ITIH5: variants seen among roughly 807,000 people sequenced by gnomAD.
The protein encoded by ITIH5 is inter-alpha-trypsin inhibitor heavy chain H5.
ITIH5 carries 65 observed loss-of-function variants against 77.5 expected under a neutral mutation model. The observed-to-expected ratio is 0.84, with a 90% CI of 0.69 to 1.03. The LOEUF (loss-of-function observed/expected upper bound fraction) is 1.03. Among genes scored for constraint, ITIH5 ranks in the 50% least tolerant of loss-of-function variants. The probability of loss-of-function intolerance (pLI) is 0.00; values close to 1 mark genes in which losing one functional copy is unlikely to be tolerated. For missense variants in ITIH5, 1,208 were observed against 1,213.1 expected (o/e 1.00, Z 0.06); for synonymous variants, 525 against 494.3 (o/e 1.06, Z -0.82).
chr10:7,564,197 AT>A (rs1341230324), intron 13 of ITIH5, among the ~76,000 whole-genome samples: 1 of 152,072 alleles, frequency 6.6e-6, no homozygotes, highest in Non-Finnish European at 1.5e-5. Flanking sequence ...TTCCTCATTC[AT>A]TTTTCCAGAA....
intron 2 of ITIH5, among the ~76,000 whole-genome samples, chr10:7,649,867 A>G (rs1297364757): frequency 1.3e-5 from 2 of 152,224 alleles, no homozygotes; most frequent in Admixed American, 1.3e-4. Context: ...CATGAAAGGA[A>G]GGATATAAAA....
At chr10:7,622,991 A>C (rs969147953) in intron 5 of ITIH5, among the ~76,000 whole-genome samples, 4 of 152,264 alleles carry the variant, frequency 2.6e-5, no homozygotes, top group African/African-American at 9.6e-5. Flanking sequence ...ATATGTCCTT[A>C]GTGATGTCCT....
At chr10:7,584,882 C>G (rs1282770798) in intron 8 of ITIH5, among the ~76,000 whole-genome samples, 2 of 152,138 alleles carry the variant, frequency 1.3e-5, no homozygotes, top group Non-Finnish European at 2.9e-5. Flanking sequence ...AACACCAAAA[C>G]AGTTCCTAGA....
At chr10:7,639,240 T>C (rs7905848) in intron 4 of ITIH5, among the ~76,000 whole-genome samples, 62,169 of 152,062 alleles carry the variant, frequency 0.41, 13,901 homozygotes, top group African/African-American at 0.58. Flanking sequence ...AGGGGAAGGA[T>C]GGAGTATAGG....
chr10:7,565,334 AC>A (rs202036978), intron 13 of ITIH5, among the ~76,000 whole-genome samples: 2 of 148,762 alleles, frequency 1.3e-5, no homozygotes, highest in African/African-American at 2.4e-5. Flanking sequence ...CATCACACAT[AC>A]AAAGATGGTA....
At chr10:7,619,654 C>A in intron 5 of ITIH5, 1 of 320,388 alleles carries the variant, frequency 3.1e-6, no homozygotes. Flanking sequence ...AACACGTCTA[C>A]AAGGCGGCAG....
At chr10:7,596,850 C>A (rs1159846510) in intron 7 of ITIH5, among the ~76,000 whole-genome samples, 2 of 151,788 alleles carry the variant, frequency 1.3e-5, no homozygotes, top group Non-Finnish European at 2.9e-5. Flanking sequence ...GAGTTTGAGA[C>A]CAGCCTGGCC....
chr10:7,603,039 A>C (rs1020196621), intron 7 of ITIH5, among the ~76,000 whole-genome samples: 1 of 152,116 alleles, frequency 6.6e-6, no homozygotes, highest in African/African-American at 2.4e-5. Flanking sequence ...GGCTCCTTCC[A>C]TCAGCCACTG....
chr10:7,569,712 T>C lies in ITIH5; in HGVS notation c.2105A>G (p.Gln702Arg), dbSNP rs1832259619. Reference sequence around the variant, plus strand: ...GACCAGCCTGAGGATGTCCCCGGGCTGCCCATCAATGTTGAAGCACACGGT... The same window carrying C: ...GACCAGCCTGAGGATGTCCCCGGGCCGCCCATCAATGTTGAAGCACACGGT... ...RLTVCFNIDG[Q>R]PGDILRLVSD... is the part of the protein sequence containing the mutation. The change falls in exon 12 of 14, where the codon CAG becomes CGG. Residue 702 changes from glutamine to arginine, a missense_variant. Coordinates refer to ENST00000397146, the MANE Select transcript of ITIH5 (RefSeq NM_030569.7). The C allele has an allele frequency of 1.9e-6, 3 of 1,613,098 alleles. No individual in the cohort carries two copies. Among genetic ancestry groups the C allele is most frequent in the Non-Finnish European group, 2.5e-6 (3 of 1,179,712 alleles).
intron 1 of ITIH5, among the ~76,000 whole-genome samples, chr10:7,663,352 T>C (rs4749106): frequency 0.99 from 151,185 of 152,374 alleles, 75,011 homozygotes; most frequent in Middle Eastern, 1. Context: ...GTTTACTATA[T>C]GCAAATGCTT....
intron 2 of ITIH5, among the ~76,000 whole-genome samples, chr10:7,654,232 T>G (rs1324670476): frequency 6.6e-6 from 1 of 152,250 alleles, no homozygotes; most frequent in Non-Finnish European, 1.5e-5. Context: ...TATGCAAATG[T>G]GCCTCGGGTT....
At position 7,637,321 on chromosome 10, in the gene ITIH5, C is replaced by G. The variant is rs1159248266; in HGVS notation, c.559G>C (p.Val187Leu). 6.2e-7 allele frequency: 1 copy of G among 1,614,016 alleles called. No homozygotes were observed. The highest frequency in any genetic ancestry group is 2.2e-5 in the East Asian group (1 of 44,868). Reference sequence around the variant, plus strand: ...GCGCTCTCCAGGATATTCACGTCCACGCTCAGCCTCCCGGACAGCTGCTGG... The same window carrying G: ...GCGCTCTCCAGGATATTCACGTCCAGGCTCAGCCTCCCGGACAGCTGCTGG... ...RPQQLSGRLS[V>L]DVNILESAGI... The change falls in exon 5 of 14, where the codon GTG (valine) becomes CTG (leucine). Residue 187 changes from valine to leucine, a missense_variant. Physicochemically the swap from Val to Leu is conservative, Grantham distance 32 (BLOSUM62 1). Transcript: ENST00000397146.
At chr10:7,593,423 G>T (rs1200151888) in intron 7 of ITIH5, among the ~76,000 whole-genome samples, 1 of 66,872 alleles carries the variant, frequency 1.5e-5, no homozygotes, top group Non-Finnish European at 3.2e-5. Flanking sequence ...CAGCCACCCA[G>T]CCCCACTCAC....
At chr10:7,602,557 C>T (rs1833036354) in intron 7 of ITIH5, among the ~76,000 whole-genome samples, 1 of 152,160 alleles carries the variant, frequency 6.6e-6, no homozygotes, top group Non-Finnish European at 1.5e-5. Context: ...TGTCCTGCTG[C>T]CCTGTGAAGA....
rs573803490 is a variant in ITIH5 at position 7,648,884 on chromosome 10, G to A, written c.135+6747C>T. ...TATTACATCAAGAATATGAAGCTTAGTTTATGGGCCCAAGAGACAGGCTGA... is the reference window on the plus strand; with the variant it reads ...TATTACATCAAGAATATGAAGCTTAATTTATGGGCCCAAGAGACAGGCTGA... On this transcript the variant is annotated intron_variant, in intron 2 of 13. Transcript: ENST00000397146. Among the ~76,000 whole-genome samples the A allele has an allele frequency of 6.6e-5, 10 of 152,214 alleles. No homozygotes were observed. The South Asian group carries it at 2.1e-3, about 32-fold the overall frequency.
chr10:7,572,126 T>C (rs1232058921), intron 11 of ITIH5: 2 of 1,083,766 alleles, frequency 1.8e-6, no homozygotes, highest in African/African-American at 1.7e-5. Context: ...TGTGTGTGTG[T>C]TGGAAGGAAT....
intron 5 of ITIH5, among the ~76,000 whole-genome samples, chr10:7,636,232 T>G (rs1833796503): frequency 6.6e-6 from 1 of 152,168 alleles, no homozygotes; most frequent in African/African-American, 2.4e-5. Context: ...GTTTTTCATT[T>G]CAATAAATGA....
intron 11 of ITIH5, 44 bp downstream of exon 11, chr10:7,573,098 A>T (rs372258566): frequency 1.4e-5 from 22 of 1,577,968 alleles, no homozygotes; most frequent in Admixed American, 3.3e-5. Flanking sequence ...CTTTTTAAAC[A>T]TCTCTTACTC....
chr10:7,665,942 C>T (rs2131124184), intron 1 of ITIH5, among the ~76,000 whole-genome samples: 1 of 152,310 alleles, frequency 6.6e-6, no homozygotes, highest in South Asian at 2.1e-4. Context: ...AGTTGGGCTT[C>T]AAAACTGCTC....
Sources: gnomAD v4.1 joint callset for allele counts (sites outside exome capture counted in the v4.1 genomes callset) on GRCh38, gnomAD v4.1.1 for gene constraint, MANE v1.5 for transcripts, NCBI Gene and HGNC (gene_info 2026-07-23, HGNC 2026-07-21) for gene names.